Variants in CRLF2 observed in about 807,000 individuals in gnomAD.
CRLF2 encodes cytokine receptor like factor 2.
A neutral mutation model predicts 38.7 loss-of-function variants in CRLF2; 41 were observed. The ratio of observed to expected loss-of-function variants is 1.06; its 90% CI spans 0.83 to 1.37. CRLF2 has a LOEUF of 1.37. CRLF2 is among the 40% of genes most tolerant of loss of function. The pLI is 0.00. For missense variants in CRLF2, 377 were observed against 322.2 expected, an observed-to-expected ratio of 1.17 and a Z score of -1.30; for synonymous variants, 140 against 128.8, an observed-to-expected ratio of 1.09 and a Z score of -0.59.
intron 5 of CRLF2, among the ~76,000 whole-genome samples, chrX:1,198,094 A>G (rs2086523505): frequency 6.6e-6 from 1 of 152,154 alleles, no homozygotes; most frequent in South Asian, 2.1e-4. Context: ...GGAGGATGAC[A>G]GAAGGCTGAG....
chrX:1,191,939 C>CTT (rs1180869819), intron 7 of CRLF2, among the ~76,000 whole-genome samples: 129 of 151,776 alleles, frequency 8.5e-4, no homozygotes, highest in African/African-American at 3.0e-3. Flanking sequence ...GCCGCAGTGG[C>CTT]TTACACCTGT....
intron 6 of CRLF2, among the ~76,000 whole-genome samples, chrX:1,193,781 CAAAAAAAAAAAA>C (rs1176813644): frequency 3.4e-5 from 2 of 58,990 alleles, no homozygotes; most frequent in Non-Finnish European, 2.8e-5. Context: ...GACTCCATCT[CAAAAAAAAAAAA>C]AAAAAAAAAA....
intron 7 of CRLF2, among the ~76,000 whole-genome samples, chrX:1,191,833 CA>C (rs2086386352): frequency 6.6e-6 from 1 of 151,900 alleles, no homozygotes. Context: ...GCCTGGCCCC[CA>C]AAAATAAAAT....
intron 1 of CRLF2, 120 bp from the exon 2 acceptor site, chrX:1,209,028 C>T (rs1489918625): frequency 5.5e-5 from 35 of 637,822 alleles, no homozygotes; most frequent in Admixed American, 1.2e-4. Context: ...AGTACAATGG[C>T]ACGATCTCGG....
intron 4 of CRLF2, 58 bp from the exon 5 acceptor site, chrX:1,198,782 C>CAT: frequency 1.5e-6 from 2 of 1,302,668 alleles, no homozygotes; most frequent in South Asian, 2.6e-5. Flanking sequence ...CACACACACA[C>CAT]AATGATTAGT....
intron 3 of CRLF2, among the ~76,000 whole-genome samples, chrX:1,203,020 C>T (rs1277978813): frequency 2.8e-5 from 4 of 143,108 alleles, no homozygotes; most frequent in Non-Finnish European, 6.0e-5. Flanking sequence ...ATCGCTTGAA[C>T]CGGGGAGGCG....
At chrX:1,204,399 T>C (rs1365647030) in intron 3 of CRLF2, among the ~76,000 whole-genome samples, 1 of 151,578 alleles carries the variant, frequency 6.6e-6, no homozygotes, top group Non-Finnish European at 1.5e-5. Flanking sequence ...CGGCTAATTA[T>C]GTATTTTTAA....
At chrX:1,195,581 T>G (rs1447276287) in intron 6 of CRLF2, among the ~76,000 whole-genome samples, 4 of 148,148 alleles carry the variant, frequency 2.7e-5, no homozygotes, top group Non-Finnish European at 6.0e-5. Flanking sequence ...CTAATTTTAT[T>G]TTTTCCTTTT....
At chrX:1,199,492 G>C (rs1345862209) in intron 4 of CRLF2, among the ~76,000 whole-genome samples, 3 of 151,916 alleles carry the variant, frequency 2.0e-5, no homozygotes, top group African/African-American at 7.3e-5. Flanking sequence ...GTAGAGATGA[G>C]GTTTCACCAC....
rs2086361006 is a variant in CRLF2 at position 1,190,813 on chromosome X, G to A, written c.*84C>T. 1 of 398,554 alleles carries A rather than the reference G, an allele frequency of 2.5e-6. No individual in the cohort carries two copies. Among genetic ancestry groups the A allele is most frequent in the Non-Finnish European group, 4.4e-6 (1 of 226,092 alleles). 24.7% of individuals were successfully genotyped at this position (398,554 alleles called of 1,614,324 possible). On this transcript the variant is annotated 3_prime_UTR_variant, in exon 8 of 8. Transcript: ENST00000400841. ...TTGGCGTGGAGACTTCCCATCCATG[G>A]TGGTGTGGAGTCCCCGGGACAGTCC...
chrX:1,206,505 C>G lies in CRLF2; in HGVS notation c.277G>C (p.Asp93His). The G allele has an allele frequency of 6.2e-6, 10 of 1,613,588 alleles. No homozygotes were observed. The highest frequency in any genetic ancestry group is 8.5e-6 in the Non-Finnish European group (10 of 1,179,604). Residue 93 changes from aspartate to histidine, a missense_variant, in exon 3 of 8, where the codon GAC becomes CAC. Asp to His is a moderately conservative substitution (Grantham distance 81, BLOSUM62 -1). Coordinates refer to ENST00000400841, the MANE Select transcript of CRLF2 (RefSeq NM_022148.4). The part of the protein sequence containing the change: ...GCLLDAEQRD[D>H]ILYFSIRNGT... ...TTCCTGATGGAGAAATAGAGAATGT[C>G]GTCTCGCTGCTCTGCGTCTAGGAGG...
Position 1,198,732 on chromosome X carries a change from A to C in CRLF2, c.484-8T>G, listed in dbSNP as rs2086545418. 2.4e-6 allele frequency: 2 copies of C among 843,334 alleles called. No individual in the cohort carries two copies. Among genetic ancestry groups the C allele is most frequent in the East Asian group, 3.3e-5 (1 of 30,708 alleles). The allele number at this position is 843,334 out of a possible 1,614,324, so 52.2% of individuals were successfully genotyped here. On this transcript the variant is annotated splice_region_variant and splice_polypyrimidine_tract_variant and intron_variant, in intron 4 of 7. Coordinates refer to ENST00000400841, the MANE Select transcript of CRLF2 (RefSeq NM_022148.4). ...GGTATTTTCCTGTTTGGACTGGAGA[A>C]ACATACACACACACACACACACACA...
intron 2 of CRLF2, among the ~76,000 whole-genome samples, chrX:1,208,509 A>C (rs2086731031): frequency 6.6e-6 from 1 of 152,136 alleles, no homozygotes; most frequent in African/African-American, 2.4e-5. Context: ...CAGTGAGCCG[A>C]GATTGCGCCA....
At chrX:1,200,244 ATGTGTATATAAGC>A (rs1374047078) in intron 4 of CRLF2, among the ~76,000 whole-genome samples, 1 of 151,532 alleles carries the variant, frequency 6.6e-6, no homozygotes, top group Non-Finnish European at 1.5e-5. Flanking sequence ...GTGTATAAAT[ATGTGTATATAAGC>A]TGTGTATATA....
intron 7 of CRLF2, among the ~76,000 whole-genome samples, chrX:1,191,821 G>T (rs1218116039): frequency 6.6e-6 from 1 of 150,804 alleles, no homozygotes; most frequent in Non-Finnish European, 1.5e-5. Context: ...GCGAGCCACC[G>T]TGCCTGGCCC....
chrX:1,201,298 C>T (rs1161767327), intron 4 of CRLF2, among the ~76,000 whole-genome samples: 1 of 150,518 alleles, frequency 6.6e-6, no homozygotes, highest in African/African-American at 2.5e-5. Flanking sequence ...CTGTGTGTGT[C>T]TGTGCATGTC....
chrX:1,205,018 G>A (rs1272463578), intron 3 of CRLF2, among the ~76,000 whole-genome samples: 2 of 150,728 alleles, frequency 1.3e-5, no homozygotes, highest in East Asian at 1.9e-4. Flanking sequence ...GTAGAGATGG[G>A]GTTTCACCAT....
intron 1 of CRLF2, among the ~76,000 whole-genome samples, chrX:1,209,489 G>A (rs1174542353): frequency 6.7e-6 from 1 of 149,570 alleles, no homozygotes; most frequent in Non-Finnish European, 1.5e-5. Context: ...CCGCCACCAT[G>A]CCTGGATAAT....
At chrX:1,198,782 C>G in intron 4 of CRLF2, 58 bp from the exon 5 acceptor site, 1 of 1,302,668 alleles carries the variant, frequency 7.7e-7, no homozygotes, top group Non-Finnish European at 1.1e-6. Flanking sequence ...CACACACACA[C>G]AATGATTAGT....
Sources: gnomAD v4.1 joint callset for allele counts (sites outside exome capture counted in the v4.1 genomes callset) on GRCh38, gnomAD v4.1.1 for gene constraint, MANE v1.5 for transcripts, NCBI Gene and HGNC (gene_info 2026-07-23, HGNC 2026-07-21) for gene names.